Variants in PCDH7 observed in about 807,000 individuals in gnomAD.
The protein encoded by PCDH7 is protocadherin-7.
Under a neutral mutation model 58.9 loss-of-function variants are expected in PCDH7, and 17 were observed. The ratio of observed to expected loss-of-function variants is 0.29; its 90% CI spans 0.20 to 0.43. The LOEUF is 0.43. PCDH7 is among the 20% of genes least tolerant of loss of function. The pLI, the probability that PCDH7 is intolerant of heterozygous loss-of-function variation, is 1.00. For missense variants in PCDH7, 1,274 were observed against 1,441.0 expected (o/e 0.88, Z 1.88); for synonymous variants, 664 against 616.4 (o/e 1.08, Z -1.14).
chr4:31,089,334 T>C (rs1474655475), intron 3 of PCDH7, among the ~76,000 whole-genome samples: 1 of 152,108 alleles, frequency 6.6e-6, no homozygotes, highest in East Asian at 1.9e-4. Flanking sequence ...AAAAAACACA[T>C]ATGCCTTTTA....
chr4:31,031,402 T>C (rs1205868454), intron 3 of PCDH7, among the ~76,000 whole-genome samples: 1 of 152,078 alleles, frequency 6.6e-6, no homozygotes, highest in Non-Finnish European at 1.5e-5. Context: ...GAATAAAGAA[T>C]CATTTCAAGT....
At chr4:30,762,273 G>A (rs1303567251) in intron 1 of PCDH7, among the ~76,000 whole-genome samples, 1 of 151,750 alleles carries the variant, frequency 6.6e-6, no homozygotes, top group Non-Finnish European at 1.5e-5. Context: ...TTTCCCCTGA[G>A]GCAATAGGAA....
chr4:30,940,256 TA>T lies in PCDH7; in HGVS notation c.288-9856del, dbSNP rs1327340959. 3.3e-5 allele frequency among the ~76,000 whole-genome samples: 5 copies of T among 151,922 alleles called. No homozygotes were observed. In the East Asian group the frequency reaches 7.8e-4, roughly 24 times the overall value. On this transcript the variant is annotated intron_variant, in intron 2 of 3. Transcript: ENST00000509759. ...TAGATTGCTTTTTTTGTCTTGAATT[TA>T]AAAAAAATTATCACACTTTCTGAAC... is the stretch of plus-strand genomic sequence containing the variant.
chr4:30,776,056 T>G (rs951039879), intron 1 of PCDH7, among the ~76,000 whole-genome samples: 2 of 152,242 alleles, frequency 1.3e-5, no homozygotes, highest in Non-Finnish European at 2.9e-5. Flanking sequence ...GTAACCATGG[T>G]CGTCTTTCAT....
chr4:31,068,906 C>G (rs1175155958), intron 3 of PCDH7, among the ~76,000 whole-genome samples: 1 of 151,936 alleles, frequency 6.6e-6, no homozygotes, highest in African/African-American at 2.4e-5. Context: ...ATTTCCGGAA[C>G]AGACTTCAGG....
At position 30,937,464 on chromosome 4, in the gene PCDH7, C is replaced by T. The variant is rs528361863; in HGVS notation, c.288-12656C>T. Among the ~76,000 whole-genome samples, 16 of 152,162 alleles carry T rather than the reference C, an allele frequency of 1.1e-4. No individual in the cohort carries two copies. The South Asian group carries it at 3.3e-3, about 32-fold the overall frequency. On this transcript the variant is annotated intron_variant, in intron 2 of 3. Coordinates refer to the PCDH7 transcript ENST00000509759. ...CACAAGTCACAACCTTTCCTCCTGC[C>T]TCCCTAGGGAATATTTATTTTAATT... is the stretch of plus-strand genomic sequence containing the variant.
intron 1 of PCDH7, among the ~76,000 whole-genome samples, chr4:30,862,439 C>T (rs905595816): frequency 6.6e-6 from 1 of 152,082 alleles, no homozygotes; most frequent in African/African-American, 2.4e-5. Flanking sequence ...CTTGGGGAAT[C>T]CCTATTCATA....
chr4:31,143,149 G>A, downstream of PCDH7: 2 of 193,080 alleles, frequency 1.0e-5, no homozygotes, highest in Non-Finnish European at 2.2e-5. Flanking sequence ...AAAAAAAAGG[G>A]GGATAGTTGC....
At chr4:30,879,106 G>A (rs1010913332) in intron 1 of PCDH7, among the ~76,000 whole-genome samples, 12 of 141,838 alleles carry the variant, frequency 8.5e-5, no homozygotes, top group African/African-American at 3.1e-4. Flanking sequence ...GGGAGATGGA[G>A]GTTTCTCTGG....
At position 30,721,257 on chromosome 4, in the gene PCDH7, G is replaced by A. The variant is rs1713456890; in HGVS notation, c.-166G>A. ...TCGCTGCCCTCCCACCCCCATTCCCGGCCAACTCTCCACGCCGCTTTTGCC... is the reference window on the plus strand; with the variant it reads ...TCGCTGCCCTCCCACCCCCATTCCCAGCCAACTCTCCACGCCGCTTTTGCC... On this transcript the variant is annotated 5_prime_UTR_variant, in exon 1 of 2. Transcript: ENST00000361762. The surrounding 1 kb of genome is among the most constrained non-coding windows in gnomAD (Gnocchi z 6.7). 1 of 608,312 alleles carries A rather than the reference G, an allele frequency of 1.6e-6. No homozygotes were observed. Among genetic ancestry groups the A allele is most frequent in the African/African-American group, 1.9e-5 (1 of 52,574 alleles). 37.7% of individuals were successfully genotyped at this position (608,312 alleles called of 1,614,324 possible). A position where few individuals can be genotyped will look rare whatever the true frequency, so the allele number is the denominator to read the frequency against.
intron 1 of PCDH7, among the ~76,000 whole-genome samples, chr4:30,871,996 G>T (rs1735665292): frequency 6.6e-6 from 1 of 152,024 alleles, no homozygotes; most frequent in Non-Finnish European, 1.5e-5. Context: ...TTGGATTAGG[G>T]TCTACATCAG....
intron 1 of PCDH7, among the ~76,000 whole-genome samples, chr4:30,875,835 T>A (rs1030578130): frequency 1.3e-5 from 2 of 152,132 alleles, no homozygotes; most frequent in Non-Finnish European, 2.9e-5. Flanking sequence ...AGCAAAGATT[T>A]ATTAAGAAGT....
At chr4:30,755,545 G>A (rs563328703) in intron 1 of PCDH7, among the ~76,000 whole-genome samples, 1 of 152,226 alleles carries the variant, frequency 6.6e-6, no homozygotes, top group East Asian at 1.9e-4. Flanking sequence ...AGTAGTCCCA[G>A]ACACTGTCCT....
rs181472377 is a variant in PCDH7, at chr4:30,999,009, C to G, written c.*7+48794C>G. Among the ~76,000 whole-genome samples, 61 of 152,160 alleles carry G rather than the reference C, an allele frequency of 4.0e-4. 2 individuals carry two copies. The highest frequency in any genetic ancestry group is 1.0e-3 in the African/African-American group (42 of 41,524). The stretch of plus-strand genomic sequence containing the variant: ...GTCTGTTATTAATGTTTGTAGCTTT[C>G]CTTTACAGTGAAGGTACCTGGATAG... On this transcript the variant is annotated intron_variant, in intron 3 of 3. Coordinates refer to the PCDH7 transcript ENST00000509759.
chr4:30,913,376 T>C (rs1275521502), intron 1 of PCDH7, among the ~76,000 whole-genome samples: 1 of 152,168 alleles, frequency 6.6e-6, no homozygotes, highest in East Asian at 1.9e-4. Context: ...CAATTTTGAC[T>C]TCTGCTTTCT....
At chr4:30,730,945 T>C (rs1715405219) in exon 2 of PCDH7, 3 of 1,312,046 alleles carry the variant, frequency 2.3e-6, no homozygotes, top group African/African-American at 1.5e-5. Flanking sequence ...CTTTCTCATA[T>C]ACAGAAAAAT....
At chr4:30,942,746 G>C (rs987570066) in intron 2 of PCDH7, among the ~76,000 whole-genome samples, 22 of 152,010 alleles carry the variant, frequency 1.4e-4, no homozygotes, top group Non-Finnish European at 4.4e-5. Context: ...GATACACGTT[G>C]AAGTATGTAT....
chr4:30,998,360 G>T (rs546616806), intron 3 of PCDH7, among the ~76,000 whole-genome samples: 1 of 152,226 alleles, frequency 6.6e-6, no homozygotes, highest in South Asian at 2.1e-4. Flanking sequence ...TATTAAAATG[G>T]TACAAGATAA....
intron 3 of PCDH7, among the ~76,000 whole-genome samples, chr4:31,140,608 TAA>T (rs34075687): frequency 1.8e-4 from 21 of 119,632 alleles, no homozygotes; most frequent in Non-Finnish European, 2.8e-4. Context: ...TAGGTCAGGT[TAA>T]AAAAAAAAAA....
Sources: gnomAD v4.1 joint callset for allele counts (sites outside exome capture counted in the v4.1 genomes callset) on GRCh38, gnomAD v4.1.1 for gene constraint, Gnocchi (gnomAD v3.1) non-coding constraint, MANE v1.5 for transcripts, NCBI Gene and HGNC (gene_info 2026-07-23, HGNC 2026-07-21) for gene names.